Variants in CATSPERT observed in about 807,000 individuals in gnomAD.
CATSPERT encodes cation channel sperm-associated targeting subunit tau.
chr2:201,590,983 T>A, the CATSPERT span, among the ~76,000 whole-genome samples: 2 of 152,342 alleles, frequency 1.3e-5, no homozygotes, highest in South Asian at 4.1e-4. Context: ...AGCTCTTTAG[T>A]TTAATTAGAT....
chr2:201,551,869 T>C, the CATSPERT span, among the ~76,000 whole-genome samples: 1 of 147,562 alleles, frequency 6.8e-6, no homozygotes, highest in South Asian at 2.1e-4. Context: ...GATCGCACCA[T>C]CGCACTTCAG....
the CATSPERT span, among the ~76,000 whole-genome samples, chr2:201,580,357 A>G: frequency 6.6e-6 from 1 of 152,212 alleles, no homozygotes; most frequent in African/African-American, 2.4e-5. Flanking sequence ...TTGCTTCCCA[A>G]TAAACTTTTA....
At chr2:201,618,526 C>CGG in the CATSPERT span, among the ~76,000 whole-genome samples, 50 of 118,648 alleles carry the variant, frequency 4.2e-4, 1 homozygote, top group Non-Finnish European at 6.6e-5. Context: ...TACTTGGACA[C>CGG]GGGGGGGGAA....
At chr2:201,516,400 T>C in the CATSPERT span, among the ~76,000 whole-genome samples, 1 of 152,146 alleles carries the variant, frequency 6.6e-6, no homozygotes. Flanking sequence ...AAGCACCTTC[T>C]TTACAAGGCA....
the CATSPERT span, among the ~76,000 whole-genome samples, chr2:201,515,202 G>GTTTTTTTTTTTTTT: frequency 1.8e-3 from 45 of 24,672 alleles, 12 homozygotes; most frequent in Admixed American, 0.014. Flanking sequence ...TCTGCCCATA[G>GTTTTTTTTTTTTTT]TTTTTTTTTT....
the CATSPERT span, among the ~76,000 whole-genome samples, chr2:201,500,744 G>A: frequency 6.6e-6 from 1 of 151,938 alleles, no homozygotes; most frequent in South Asian, 2.1e-4. Context: ...ACAATATTAC[G>A]ATTTAAGGCA....
chr2:201,509,934 A>G, the CATSPERT span, among the ~76,000 whole-genome samples: 462 of 150,980 alleles, frequency 3.1e-3, 5 homozygotes, highest in Non-Finnish European at 5.5e-3. Flanking sequence ...TAATATATAC[A>G]TTTAATTTTA....
the CATSPERT span, among the ~76,000 whole-genome samples, chr2:201,584,510 C>T: frequency 3.6e-4 from 54 of 151,748 alleles, no homozygotes; most frequent in South Asian, 0.011. Context: ...GCTAGCCAGG[C>T]ATGGTGGCTC....
At chr2:201,533,987 T>C in the CATSPERT span, among the ~76,000 whole-genome samples, 1 of 152,014 alleles carries the variant, frequency 6.6e-6, no homozygotes, top group Non-Finnish European at 1.5e-5. Context: ...AGAAGCCCCA[T>C]GGAGAAGGAG....
chr2:201,594,527 C>A, the CATSPERT span, among the ~76,000 whole-genome samples: 2 of 152,220 alleles, frequency 1.3e-5, no homozygotes, highest in East Asian at 3.9e-4. Context: ...TGTTGGCCTG[C>A]CTTGCTAGAT....
chr2:201,511,045 T>G, the CATSPERT span, among the ~76,000 whole-genome samples: 1 of 152,134 alleles, frequency 6.6e-6, no homozygotes, highest in African/African-American at 2.4e-5. Flanking sequence ...AAATAGATAA[T>G]AAACACATGA....
At chr2:201,576,344 G>T in the CATSPERT span, among the ~76,000 whole-genome samples, 1 of 152,200 alleles carries the variant, frequency 6.6e-6, no homozygotes, top group African/African-American at 2.4e-5. Flanking sequence ...GACTATAAAA[G>T]ATTAGGCTTT....
At chr2:201,560,156 G>T in the CATSPERT span, among the ~76,000 whole-genome samples, 1 of 152,060 alleles carries the variant, frequency 6.6e-6, no homozygotes, top group Non-Finnish European at 1.5e-5. Flanking sequence ...GGCCAGGTAC[G>T]GTGGCTCACA....
the CATSPERT span, chr2:201,534,956 TAA>T: frequency 7.1e-6 from 3 of 424,126 alleles, no homozygotes; most frequent in Non-Finnish European, 9.5e-6. Flanking sequence ...TTAAAATTCA[TAA>T]AAGATATATG....
chr2:201,580,608 T>G, the CATSPERT span, among the ~76,000 whole-genome samples: 5 of 152,224 alleles, frequency 3.3e-5, no homozygotes, highest in Non-Finnish European at 7.3e-5. Context: ...TATGTTCAAG[T>G]TATTCTGAAG....
chr2:201,535,674 C>T, the CATSPERT span: 35 of 1,198,060 alleles, frequency 2.9e-5, no homozygotes, highest in Non-Finnish European at 3.5e-5. Flanking sequence ...TTTTTATCCT[C>T]ATTTCTTGAT....
chr2:201,559,702 TA>T, the CATSPERT span, among the ~76,000 whole-genome samples: 4 of 152,322 alleles, frequency 2.6e-5, no homozygotes, highest in African/African-American at 9.6e-5. Flanking sequence ...ATGTGAAGAC[TA>T]AACTACTGGA....
At chr2:201,494,972 T>A in the CATSPERT span, among the ~76,000 whole-genome samples, 1 of 152,142 alleles carries the variant, frequency 6.6e-6, no homozygotes, top group Non-Finnish European at 1.5e-5. Flanking sequence ...ATTCTGACAC[T>A]ATTTTGTGTC....
chr2:201,541,743 G>A, the CATSPERT span, among the ~76,000 whole-genome samples: 1 of 151,360 alleles, frequency 6.6e-6, no homozygotes, highest in Non-Finnish European at 1.5e-5. Context: ...CTACAGGCGT[G>A]AGCGACCACA....
Sources: allele counts gnomAD v4.1 joint callset (sites outside exome capture counted in the v4.1 genomes callset), GRCh38; gene constraint gnomAD v4.1.1; transcripts MANE v1.5; gene names NCBI Gene and HGNC (gene_info 2026-07-23, HGNC 2026-07-21).